The following RASGRF2 variants were observed in gnomAD, a reference collection of about 807,000 sequenced individuals.
RASGRF2 encodes the protein ras-specific guanine nucleotide-releasing factor 2.
A neutral mutation model predicts 151.0 loss-of-function variants in RASGRF2; 76 were observed. The ratio of observed to expected loss-of-function variants is 0.50; its 90% CI spans 0.42 to 0.61. RASGRF2 has a LOEUF of 0.61. Ranked by LOEUF, RASGRF2 falls within the 20% of genes least tolerant of loss-of-function variation. The probability of loss-of-function intolerance (pLI) is 0.00; values close to 1 mark genes in which losing one functional copy is unlikely to be tolerated. For synonymous variants in RASGRF2, 504 were observed against 566.5 expected (o/e 0.89, Z 1.57); for missense variants, 1,148 against 1,564.6 (o/e 0.73, Z 4.49).
intron 15 of RASGRF2, among the ~76,000 whole-genome samples, chr5:81,121,220 T>C (rs1465498701): frequency 6.6e-6 from 1 of 152,234 alleles, no homozygotes; most frequent in African/African-American, 2.4e-5. Flanking sequence ...ATTTGAAAGA[T>C]GTTTGCGTGT....
chr5:81,159,608 G>T (rs767690262), intron 17 of RASGRF2, among the ~76,000 whole-genome samples: 15 of 152,160 alleles, frequency 9.9e-5, no homozygotes, highest in Non-Finnish European at 1.8e-4. Context: ...GGTATTTTGT[G>T]GGTGATTGAA....
intron 15 of RASGRF2, among the ~76,000 whole-genome samples, chr5:81,117,190 A>G (rs1451793757): frequency 6.6e-6 from 1 of 152,188 alleles, no homozygotes; most frequent in African/African-American, 2.4e-5. Context: ...TTTTCCCTGG[A>G]ACAATAAGCT....
intron 13 of RASGRF2, among the ~76,000 whole-genome samples, chr5:81,110,079 G>A (rs1338126045): frequency 6.6e-6 from 1 of 152,114 alleles, no homozygotes; most frequent in Admixed American, 6.5e-5. Context: ...CCTGAAGTTT[G>A]TATTCCTCCC....
intron 2 of RASGRF2, among the ~76,000 whole-genome samples, chr5:81,054,799 C>T (rs1751140519): frequency 6.9e-6 from 1 of 144,048 alleles, no homozygotes; most frequent in South Asian, 2.3e-4. Context: ...TCTTTTATTT[C>T]GTTGAGCAGT....
rs545163838 is a variant in RASGRF2 at position 81,031,289 on chromosome 5, A to T, written c.289-11588A>T. On this transcript the variant is annotated intron_variant, in intron 1 of 26. Transcript: ENST00000265080. ...ATCCAGGAATTGAACTCAGCTCTGC[A>T]CCAAGCAGACCTAATAGACATCTAC... is the stretch of plus-strand genomic sequence containing the variant. Among the ~76,000 whole-genome samples the T allele has an allele frequency of 2.6e-5, 4 of 152,358 alleles. No individual in the cohort carries two copies. The East Asian group carries it at 5.8e-4, about 22-fold the overall frequency.
intron 19 of RASGRF2, chr5:81,204,319 T>G (rs1755459896): frequency 6.6e-6 from 1 of 152,188 alleles, no homozygotes; most frequent in African/African-American, 2.4e-5. Context: ...AAACACAGGC[T>G]ATGACTGTGA....
chr5:80,996,063 C>T (rs1441461812), intron 1 of RASGRF2, among the ~76,000 whole-genome samples: 2 of 152,100 alleles, frequency 1.3e-5, no homozygotes, highest in East Asian at 1.9e-4. Flanking sequence ...ACTCTTCCAC[C>T]TTATCTCTTC....
intron 17 of RASGRF2, among the ~76,000 whole-genome samples, chr5:81,155,512 A>G (rs137929737): frequency 9.8e-5 from 15 of 152,352 alleles, no homozygotes; most frequent in African/African-American, 3.6e-4. Flanking sequence ...ATGAAAGCAG[A>G]AACATCACAA....
In RASGRF2 at chr5:81,207,281, G is replaced by T. The variant is rs978720270; in HGVS notation, c.3003G>T (p.Leu1001Phe). The T allele has an allele frequency of 6.2e-7, 1 of 1,614,132 alleles. No homozygotes were observed. The highest frequency in any genetic ancestry group is 1.7e-5 in the Admixed American group (1 of 60,018). The change falls in exon 21 of 27, where the codon TTG becomes TTT. Residue 1001 changes from leucine (L) to phenylalanine (F), a missense_variant. Around this residue, in one of 5 missense-constraint regions of RASGRF2, gnomAD observed 646 missense variants for 807.4 expected, o/e 0.80. Coordinates refer to ENST00000265080, the MANE Select transcript of RASGRF2 (RefSeq NM_006909.3). ...TGAAGGCCGAATGCTTTGAGTCCTT[G>T]TCGGCCATGGAGCTGGCAGAACAGA... The part of the protein sequence containing the change: ...DCMKAECFES[L>F]SAMELAEQIT...
At chr5:81,203,602 A>G (rs1755443165) in intron 19 of RASGRF2, among the ~76,000 whole-genome samples, 1 of 152,202 alleles carries the variant, frequency 6.6e-6, no homozygotes, top group Non-Finnish European at 1.5e-5. Context: ...AGAGCTTGAA[A>G]CTACAACACT....
intron 17 of RASGRF2, among the ~76,000 whole-genome samples, chr5:81,141,596 G>A (rs1317608328): frequency 6.6e-6 from 1 of 152,196 alleles, no homozygotes; most frequent in Non-Finnish European, 1.5e-5. Context: ...AACAGCAAGA[G>A]CTTGGGAAGC....
At chr5:81,142,671 A>G (rs566495276) in intron 17 of RASGRF2, among the ~76,000 whole-genome samples, 2 of 152,286 alleles carry the variant, frequency 1.3e-5, no homozygotes, top group African/African-American at 4.8e-5. Flanking sequence ...ATGGAGATAC[A>G]TCCTCTTGCT....
intron 12 of RASGRF2, among the ~76,000 whole-genome samples, chr5:81,099,939 G>A (rs1015680977): frequency 1.3e-4 from 17 of 126,094 alleles, no homozygotes; most frequent in Non-Finnish European, 2.4e-4. Context: ...ACAGAGTCTC[G>A]CCCTGTCGCC....
intron 5 of RASGRF2, 94 bp downstream of exon 5, chr5:81,073,546 T>C (rs1313495567): frequency 7.6e-7 from 1 of 1,317,092 alleles, no homozygotes; most frequent in Admixed American, 2.6e-5. Flanking sequence ...TCTCATAAAT[T>C]CATCTCTATT....
intron 1 of RASGRF2, among the ~76,000 whole-genome samples, chr5:81,004,051 C>T (rs1488609145): frequency 6.6e-6 from 1 of 152,194 alleles, no homozygotes; most frequent in Admixed American, 6.5e-5. Flanking sequence ...AAAATTTCCT[C>T]TTGAAAGCAG....
chr5:81,016,622 T>C (rs1251015703), intron 1 of RASGRF2, among the ~76,000 whole-genome samples: 3 of 152,180 alleles, frequency 2.0e-5, no homozygotes, highest in Admixed American at 6.5e-5. Context: ...CTAAGTGGAA[T>C]TCTTGCCTAT....
intron 17 of RASGRF2, among the ~76,000 whole-genome samples, chr5:81,167,198 G>A (rs1754532378): frequency 6.6e-6 from 1 of 152,132 alleles, no homozygotes; most frequent in African/African-American, 2.4e-5. Context: ...GTCCAAGTCT[G>A]GTCTTCCCAG....
At chr5:81,003,218 C>CTTTTTTTTTTTTTTTTTTTTTTTT (rs1271321430) in intron 1 of RASGRF2, among the ~76,000 whole-genome samples, 1 of 97,838 alleles carries the variant, frequency 1.0e-5, no homozygotes, top group African/African-American at 4.0e-5. Flanking sequence ...CCACACCTGG[C>CTTTTTTTTTTTTTTTTTTTTTTTT]TTTTTTTTTT....
chr5:81,159,708 T>C (rs1048548437), intron 17 of RASGRF2, among the ~76,000 whole-genome samples: 5 of 152,248 alleles, frequency 3.3e-5, no homozygotes, highest in Non-Finnish European at 7.3e-5. Context: ...ACATGGCATG[T>C]AAATTACACC....
Sources: allele counts gnomAD v4.1 joint callset (sites outside exome capture counted in the v4.1 genomes callset), GRCh38; gene constraint gnomAD v4.1.1; regional missense constraint gnomAD v4.1.1; transcripts MANE v1.5; gene names NCBI Gene and HGNC (gene_info 2026-07-23, HGNC 2026-07-21).